The following LRBA variants were observed in gnomAD, a reference collection of about 807,000 sequenced individuals.
The protein encoded by LRBA is LPS responsive beige-like anchor protein.
LRBA carries 176 observed loss-of-function variants against 330.0 expected under a neutral mutation model. The observed-to-expected ratio is 0.53, with a 90% CI of 0.47 to 0.60. The LOEUF (loss-of-function observed/expected upper bound fraction) is 0.60. Ranked by LOEUF, LRBA falls within the 20% of genes least tolerant of loss-of-function variation. The pLI, the probability that LRBA is intolerant of heterozygous loss-of-function variation, is 0.00. For synonymous variants in LRBA, 1,230 were observed against 1,193.0 expected (o/e 1.03, Z -0.64); for missense variants, 3,259 against 3,444.8 (o/e 0.95, Z 1.35).
intron 40 of LRBA, among the ~76,000 whole-genome samples, chr4:150,508,240 A>AAGG (rs35363427): frequency 7.7e-5 from 5 of 64,988 alleles, no homozygotes; most frequent in Admixed American, 2.5e-4. Context: ...TTAAAAAAAA[A>AAGG]GGGGGGGGGG....
intron 1 of LRBA, 104 bp from the exon 2 acceptor site, chr4:151,014,965 C>T: frequency 4.3e-6 from 1 of 231,924 alleles, no homozygotes; most frequent in African/African-American, 2.2e-5. Flanking sequence ...TTACTAAAGG[C>T]ACCCCACTAC....
intron 31 of LRBA, among the ~76,000 whole-genome samples, chr4:150,809,255 T>C (rs1342745538): frequency 6.6e-6 from 1 of 152,182 alleles, no homozygotes; most frequent in South Asian, 2.1e-4. Context: ...ACACTGCCTC[T>C]AGCTCTGTCC....
intron 40 of LRBA, among the ~76,000 whole-genome samples, chr4:150,575,741 G>C (rs1235261846): frequency 1.3e-5 from 2 of 151,952 alleles, no homozygotes; most frequent in African/African-American, 4.8e-5. Flanking sequence ...AAAGTAGAAA[G>C]GGAGTGGGGA....
intron 37 of LRBA, among the ~76,000 whole-genome samples, chr4:150,604,239 G>A (rs1774402066): frequency 6.6e-6 from 1 of 150,888 alleles, no homozygotes; most frequent in Non-Finnish European, 1.5e-5. Flanking sequence ...CAAGACCCTG[G>A]TTCAAAAAAA....
intron 46 of LRBA, chr4:150,423,458 C>T: frequency 1.7e-6 from 1 of 585,894 alleles, no homozygotes; most frequent in Admixed American, 2.5e-5. Context: ...CAGCGGGCCC[C>T]ATTTCTTCAT....
intron 31 of LRBA, among the ~76,000 whole-genome samples, chr4:150,815,360 A>G (rs969039809): frequency 6.6e-6 from 1 of 151,826 alleles, no homozygotes; most frequent in African/African-American, 2.4e-5. Flanking sequence ...AAGGAAAAAA[A>G]AAAAAGAGGC....
chr4:150,651,150 G>A (rs1480809567), intron 37 of LRBA, among the ~76,000 whole-genome samples: 1 of 152,106 alleles, frequency 6.6e-6, no homozygotes, highest in East Asian at 1.9e-4. Context: ...CATGTTTAGT[G>A]TATACTTTTA....
intron 22 of LRBA, among the ~76,000 whole-genome samples, chr4:150,859,539 C>T (rs1751643203): frequency 1.3e-5 from 2 of 152,082 alleles, no homozygotes; most frequent in South Asian, 4.1e-4. Context: ...TTACTAGGTG[C>T]ACTCTTTAAA....
At chr4:150,379,218 G>A (rs1023367351) in intron 47 of LRBA, among the ~76,000 whole-genome samples, 3 of 137,676 alleles carry the variant, frequency 2.2e-5, no homozygotes, top group East Asian at 2.4e-4. Flanking sequence ...CCAGAGAATC[G>A]TTTGAACCCG....
intron 36 of LRBA, among the ~76,000 whole-genome samples, chr4:150,710,059 A>C (rs1011326375): frequency 6.6e-6 from 1 of 152,100 alleles, no homozygotes; most frequent in Admixed American, 6.6e-5. Flanking sequence ...TACACTGGCT[A>C]TTCTGCGTAA....
intron 37 of LRBA, among the ~76,000 whole-genome samples, chr4:150,661,258 G>A (rs917903964): frequency 1.3e-5 from 2 of 151,496 alleles, no homozygotes; most frequent in Admixed American, 1.3e-4. Flanking sequence ...ATCACCTGAG[G>A]TCAGGAGTTC....
chr4:150,314,342 T>C (rs1731450747), intron 51 of LRBA, among the ~76,000 whole-genome samples: 1 of 152,002 alleles, frequency 6.6e-6, no homozygotes, highest in East Asian at 1.9e-4. Flanking sequence ...AGAACCAGAG[T>C]GGTATTTATC....
chr4:150,826,125 C>T (rs1207322068), intron 30 of LRBA, among the ~76,000 whole-genome samples: 1 of 152,066 alleles, frequency 6.6e-6, no homozygotes, highest in Non-Finnish European at 1.5e-5. Flanking sequence ...AAACTGAAGT[C>T]ATTATATGTC....
chr4:150,588,194 G>T lies in LRBA; in HGVS notation c.6194-10C>A, dbSNP rs1490290320. On this transcript the variant is annotated splice_polypyrimidine_tract_variant and intron_variant, in intron 39 of 56. Transcript: ENST00000651943. ...CTCAGGCTAACAGGACCTGCCAAAA[G>T]GAAAAGACAAGCCACACAAGTTGGA... 1 of 1,562,058 alleles carries T rather than the reference G, an allele frequency of 6.4e-7. No homozygotes were observed. Among genetic ancestry groups the T allele is most frequent in the African/African-American group, 1.4e-5 (1 of 72,050 alleles).
chr4:150,906,230 C>A, intron 12 of LRBA, 67 bp downstream of exon 12: 1 of 999,224 alleles, frequency 1.0e-6, no homozygotes, highest in Non-Finnish European at 1.6e-6. Flanking sequence ...AATTCCTTAG[C>A]CACTTAGAGA....
intron 28 of LRBA, among the ~76,000 whole-genome samples, chr4:150,836,912 G>A (rs944184389): frequency 6.6e-6 from 1 of 152,076 alleles, no homozygotes; most frequent in African/African-American, 2.4e-5. Flanking sequence ...GATCTTTCCT[G>A]CTTTCTCTTG....
chr4:150,878,121 G>A (rs1202324528), intron 17 of LRBA, among the ~76,000 whole-genome samples: 1 of 151,796 alleles, frequency 6.6e-6, no homozygotes, highest in Admixed American at 6.6e-5. Context: ...TCACTTGAGA[G>A]CAGGAGTTCT....
At chr4:150,812,080 C>G (rs1411633848) in intron 31 of LRBA, among the ~76,000 whole-genome samples, 2 of 152,100 alleles carry the variant, frequency 1.3e-5, no homozygotes, top group South Asian at 4.1e-4. Context: ...ACTAAATACA[C>G]CAGTAATTTC....
At chr4:150,480,722 TGTAA>T (rs1757203452) in intron 42 of LRBA, among the ~76,000 whole-genome samples, 1 of 152,170 alleles carries the variant, frequency 6.6e-6, no homozygotes, top group Non-Finnish European at 1.5e-5. Context: ...TTTACATAGA[TGTAA>T]TAATTGTACA....
Sources: allele counts gnomAD v4.1 joint callset (sites outside exome capture counted in the v4.1 genomes callset), GRCh38; gene constraint gnomAD v4.1.1; transcripts MANE v1.5; gene names NCBI Gene and HGNC (gene_info 2026-07-23, HGNC 2026-07-21).